YIPF7: variants seen among roughly 807,000 people sequenced by gnomAD.
YIPF7 encodes protein YIPF7.
In YIPF7, 35 loss-of-function variants were observed where a neutral mutation model predicts 27.2. That is an observed-to-expected ratio of 1.29 (90% confidence interval 0.98 to 1.70). The LOEUF is 1.70. Ranked by LOEUF, YIPF7 falls within the 40% of genes most tolerant of loss-of-function variation. The probability of loss-of-function intolerance (pLI) is 0.00; values close to 1 mark genes in which losing one functional copy is unlikely to be tolerated. For missense variants in YIPF7, 358 were observed against 303.7 expected, an observed-to-expected ratio of 1.18 and a Z score of -1.33; for synonymous variants, 137 against 110.4, an observed-to-expected ratio of 1.24 and a Z score of -1.51.
Position 44,622,123 on chromosome 4 carries a change from C to A in YIPF7, c.*291G>T. The A allele has an allele frequency of 3.4e-6, 1 of 296,018 alleles. No individual in the cohort carries two copies. Among genetic ancestry groups the A allele is most frequent in the Admixed American group, 4.8e-5 (1 of 21,050 alleles). The allele number at this position is 296,018 out of a possible 1,614,324, so 18.3% of individuals were successfully genotyped here. A position where few individuals can be genotyped will look rare whatever the true frequency, so the allele number is the denominator to read the frequency against. ...GTAAACATATGAGTTTATTTACTTA[C>A]TTTTCTCAGAAATACCTCTATTGAG... On this transcript the variant is annotated 3_prime_UTR_variant, in exon 6 of 6. Coordinates refer to ENST00000415895, the MANE Select transcript of YIPF7 (RefSeq NM_182592.3).
chr4:44,643,999 G>T (rs551383321), intron 2 of YIPF7, among the ~76,000 whole-genome samples: 13 of 152,236 alleles, frequency 8.5e-5, no homozygotes, highest in African/African-American at 2.9e-4. Context: ...TCTCCACACA[G>T]AGTCCCTCAC....
intron 2 of YIPF7, among the ~76,000 whole-genome samples, chr4:44,641,607 G>T (rs1021802580): frequency 6.6e-6 from 1 of 152,072 alleles, no homozygotes; most frequent in Non-Finnish European, 1.5e-5. Context: ...TTTACAAAAT[G>T]GCCTTTAGTA....
chr4:44,648,319 G>T (rs1420904188), intron 2 of YIPF7, among the ~76,000 whole-genome samples: 1 of 152,012 alleles, frequency 6.6e-6, no homozygotes, highest in Non-Finnish European at 1.5e-5. Flanking sequence ...AATCCGAAAT[G>T]CTCCACTGAG....
intron 2 of YIPF7, among the ~76,000 whole-genome samples, chr4:44,644,276 C>T (rs988172520): frequency 2.0e-5 from 3 of 152,180 alleles, no homozygotes; most frequent in African/African-American, 7.2e-5. Flanking sequence ...CTGGGCCACA[C>T]TGGAAATAGA....
intron 3 of YIPF7, 155 bp downstream of exon 3, chr4:44,635,767 A>G (rs1713092388): frequency 4.9e-6 from 4 of 811,948 alleles, no homozygotes; most frequent in Middle Eastern, 3.9e-4. Context: ...CAAACTTCCA[A>G]TGGTTTAAGG....
chr4:44,624,104 T>G (rs1475504072), intron 5 of YIPF7, among the ~76,000 whole-genome samples: 1 of 151,376 alleles, frequency 6.6e-6, no homozygotes, highest in Non-Finnish European at 1.5e-5. Flanking sequence ...TCACTCTTGT[T>G]GCCCAGGCTG....
intron 4 of YIPF7, among the ~76,000 whole-genome samples, chr4:44,627,596 C>G (rs758531406): frequency 1.3e-5 from 2 of 152,078 alleles, no homozygotes; most frequent in Non-Finnish European, 2.9e-5. Flanking sequence ...TTTGGGGAGT[C>G]CTTTTTGCTT....
At chr4:44,660,113 C>CAA (rs11461675) in intron 2 of YIPF7, among the ~76,000 whole-genome samples, 9,739 of 25,470 alleles carry the variant, frequency 0.38, 3,461 homozygotes, top group South Asian at 0.59. Flanking sequence ...GACTCTGTCT[C>CAA]AAAAAAAAAA....
chr4:44,636,586 A>G (rs1223761935), intron 2 of YIPF7, among the ~76,000 whole-genome samples: 2 of 152,180 alleles, frequency 1.3e-5, no homozygotes, highest in East Asian at 3.9e-4. Context: ...CAGCCAGGAA[A>G]AAATATAATT....
At chr4:44,645,669 A>G (rs1713502547) in intron 2 of YIPF7, among the ~76,000 whole-genome samples, 1 of 152,202 alleles carries the variant, frequency 6.6e-6, no homozygotes, top group Non-Finnish European at 1.5e-5. Flanking sequence ...GATGAAATAA[A>G]TGTTAACTGA....
At position 44,631,531 on chromosome 4, in the gene YIPF7, G is replaced by C. The variant is rs576103360; in HGVS notation, c.281-1983C>G. On this transcript the variant is annotated intron_variant, in intron 3 of 5. Coordinates refer to ENST00000415895, the MANE Select transcript of YIPF7 (RefSeq NM_182592.3). ...CTTTCAGAGGGTCAGCTAGACACTG[G>C]TCTAAACCAAAAAATAAAGTTCTAC... 2.0e-5 allele frequency among the ~76,000 whole-genome samples: 3 copies of C among 151,794 alleles called. No individual in the cohort carries two copies. The South Asian group carries it at 6.2e-4, about 32-fold the overall frequency.
rs961857477 is a variant in YIPF7, at chr4:44,640,719, C to G, written c.117-4634G>C. ...TCAACACTAAGCCTTCATGGCAACT[C>G]TCATCCTGCTCAAGTAGGAGGAGCA... On this transcript the variant is annotated intron_variant, in intron 2 of 5. Transcript: ENST00000415895. Among the ~76,000 whole-genome samples the G allele has an allele frequency of 3.9e-5, 6 of 152,158 alleles. No homozygotes were observed. In the South Asian group the frequency reaches 6.2e-4, roughly 16 times the overall value.
chr4:44,660,137 C>T (rs1238543083), intron 2 of YIPF7, among the ~76,000 whole-genome samples: 2 of 38,414 alleles, frequency 5.2e-5, no homozygotes, highest in African/African-American at 7.1e-5. Context: ...AAAAAAAAAA[C>T]GAACCTTACA....
At chr4:44,653,251 G>T (rs1273748742), upstream of YIPF7, among the ~76,000 whole-genome samples, 10 of 152,054 alleles carry the variant, frequency 6.6e-5, no homozygotes, top group Admixed American at 6.6e-4. Context: ...GGACCAAAAA[G>T]GAGCCTGTAG....
chr4:44,648,523 CT>C (rs1713605317), intron 2 of YIPF7, among the ~76,000 whole-genome samples: 1 of 152,026 alleles, frequency 6.6e-6, no homozygotes, highest in Admixed American at 6.6e-5. Flanking sequence ...ATAATAAAAA[CT>C]CAATATATTG....
chr4:44,651,657 A>G, upstream of YIPF7: 1 of 1,499,196 alleles, frequency 6.7e-7, no homozygotes, highest in East Asian at 2.4e-5. Context: ...CTATATATAT[A>G]CCTTTCTAAA....
At chr4:44,661,651 G>A (rs570509994) in intron 1 of YIPF7, among the ~76,000 whole-genome samples, 115 of 152,266 alleles carry the variant, frequency 7.6e-4, no homozygotes, top group African/African-American at 2.5e-3. Context: ...ACAATAAAAA[G>A]CAGCATAATT....
chr4:44,625,843 T>A (rs1420766294), intron 4 of YIPF7, among the ~76,000 whole-genome samples: 1 of 152,176 alleles, frequency 6.6e-6, no homozygotes, highest in African/African-American at 2.4e-5. Context: ...AATTCATTAA[T>A]TTTTTATATT....
At chr4:44,637,227 T>G (rs1713157868) in intron 2 of YIPF7, among the ~76,000 whole-genome samples, 1 of 152,208 alleles carries the variant, frequency 6.6e-6, no homozygotes, top group Admixed American at 6.5e-5. Flanking sequence ...GGTATCTTTT[T>G]GATATATTGA....
Sources: gnomAD v4.1 joint callset for allele counts (sites outside exome capture counted in the v4.1 genomes callset) on GRCh38, gnomAD v4.1.1 for gene constraint, MANE v1.5 for transcripts, NCBI Gene and HGNC (gene_info 2026-07-23, HGNC 2026-07-21) for gene names.